The following TLR6 variants were observed in gnomAD, a reference collection of about 807,000 sequenced individuals.
TLR6 encodes toll like receptor 6, also known as toll-like receptor 6.
Under a neutral mutation model 16.1 loss-of-function variants are expected in TLR6, and 9 were observed. That is an observed-to-expected ratio of 0.56 (90% CI 0.34 to 0.98). The LOEUF is 0.98. Among genes scored for constraint, TLR6 ranks in the 50% least tolerant of loss-of-function variants. The pLI, the probability that TLR6 is intolerant of heterozygous loss-of-function variation, is 0.02. For missense variants in TLR6, 786 were observed against 921.0 expected (o/e 0.85, Z 1.90); for synonymous variants, 340 against 338.6 (o/e 1.00, Z -0.04).
intron 1 of TLR6, among the ~76,000 whole-genome samples, chr4:38,832,342 G>C (rs1711651891): frequency 2.0e-5 from 3 of 152,126 alleles, no homozygotes; most frequent in Non-Finnish European, 2.9e-5. Context: ...TGGGAGAAGA[G>C]GGAAGTGAAG....
At chr4:38,858,073 G>A (rs942876701), upstream of TLR6, among the ~76,000 whole-genome samples, 1 of 152,214 alleles carries the variant, frequency 6.6e-6, no homozygotes, top group African/African-American at 2.4e-5. Context: ...GAAACAAGGA[G>A]ACTATTCTTG....
chr4:38,835,765 C>G (rs1345200207), intron 1 of TLR6, among the ~76,000 whole-genome samples: 1 of 152,120 alleles, frequency 6.6e-6, no homozygotes, highest in Non-Finnish European at 1.5e-5. Context: ...GAAATCATAT[C>G]AAGTATTTTC....
the TLR6 span, chr4:38,868,013 T>C: frequency 2.4e-6 from 1 of 418,634 alleles, no homozygotes; most frequent in South Asian, 1.7e-5. Flanking sequence ...GGGGTGAGGG[T>C]CTGGGGCGGC....
At chr4:38,856,496 T>A (rs1399073777) in intron 1 of TLR6, among the ~76,000 whole-genome samples, 2 of 152,184 alleles carry the variant, frequency 1.3e-5, no homozygotes, top group Admixed American at 1.3e-4. Flanking sequence ...AAGAAATAAA[T>A]AACATTAGTT....
At chr4:38,837,320 A>G (rs986273790) in intron 1 of TLR6, among the ~76,000 whole-genome samples, 1 of 152,224 alleles carries the variant, frequency 6.6e-6, no homozygotes, top group Non-Finnish European at 1.5e-5. Context: ...GGATCACACT[A>G]CTTGACTTCA....
chr4:38,852,902 A>G (rs1712825138), intron 1 of TLR6, among the ~76,000 whole-genome samples: 1 of 152,200 alleles, frequency 6.6e-6, no homozygotes, highest in South Asian at 2.1e-4. Context: ...AAGGATTATA[A>G]ATCATGCTGC....
intron 1 of TLR6, among the ~76,000 whole-genome samples, chr4:38,845,225 C>T (rs1166161332): frequency 6.6e-6 from 1 of 152,106 alleles, no homozygotes; most frequent in Admixed American, 6.6e-5. Flanking sequence ...AGATCCATAA[C>T]ACACTAAAAG....
chr4:38,846,550 A>G (rs1159698735), intron 1 of TLR6, among the ~76,000 whole-genome samples: 1 of 152,236 alleles, frequency 6.6e-6, no homozygotes, highest in Admixed American at 6.5e-5. Flanking sequence ...ATGCTAAAAG[A>G]CATGGAAGAC....
intron 1 of TLR6, among the ~76,000 whole-genome samples, chr4:38,838,535 A>C (rs1008869505): frequency 4.6e-5 from 7 of 152,210 alleles, no homozygotes; most frequent in Admixed American, 2.6e-4. Flanking sequence ...TGTGGGAGCT[A>C]AAATACGCAT....
chr4:38,833,364 C>T (rs1711726188), intron 1 of TLR6, among the ~76,000 whole-genome samples: 1 of 152,232 alleles, frequency 6.6e-6, no homozygotes, highest in African/African-American at 2.4e-5. Flanking sequence ...TGTCCCCATC[C>T]CCAGCAAAGC....
chr4:38,832,703 C>G (rs963398538), intron 1 of TLR6, among the ~76,000 whole-genome samples: 1 of 152,154 alleles, frequency 6.6e-6, no homozygotes, highest in Non-Finnish European at 1.5e-5. Flanking sequence ...CTCCTACGTC[C>G]ACCTAGAGGG....
chr4:38,841,849 A>G (rs1454164774), intron 1 of TLR6, among the ~76,000 whole-genome samples: 1 of 152,114 alleles, frequency 6.6e-6, no homozygotes, highest in East Asian at 1.9e-4. Flanking sequence ...AGCATATCTG[A>G]GTGTTCATGC....
intron 1 of TLR6, among the ~76,000 whole-genome samples, chr4:38,843,131 G>A (rs886957805): frequency 6.6e-6 from 1 of 152,138 alleles, no homozygotes; most frequent in African/African-American, 2.4e-5. Context: ...AGACATTGAC[G>A]TTCATGACAA....
intron 1 of TLR6, among the ~76,000 whole-genome samples, chr4:38,845,254 G>A (rs1021436058): frequency 3.3e-5 from 5 of 152,186 alleles, no homozygotes; most frequent in African/African-American, 9.7e-5. Context: ...ACCTTTAGGG[G>A]ACTGAAACCG....
exon 2 of TLR6, chr4:38,828,874 G>A: frequency 1.2e-6 from 2 of 1,613,496 alleles, no homozygotes; most frequent in Admixed American, 3.3e-5. Flanking sequence ...GAAAAACAAG[G>A]TGAAGGGTTT....
At chr4:38,828,817 A>C in exon 2 of TLR6, 1 of 1,614,104 alleles carries the variant, frequency 6.2e-7, no homozygotes, top group Non-Finnish European at 8.5e-7. Context: ...AGCACCCTAA[A>C]GTATTAACTG....
chr4:38,855,031 C>T (rs577277675), intron 1 of TLR6, among the ~76,000 whole-genome samples: 13 of 152,020 alleles, frequency 8.6e-5, no homozygotes, highest in Middle Eastern at 6.8e-3. Context: ...AACGGTGAAA[C>T]CCCGTCTCTA....
intron 1 of TLR6, among the ~76,000 whole-genome samples, chr4:38,848,469 A>G (rs1216441930): frequency 1.3e-5 from 2 of 152,234 alleles, no homozygotes; most frequent in African/African-American, 4.8e-5. Flanking sequence ...GCTTCAGACG[A>G]TCAAACTTCT....
chr4:38,827,040 C>T (rs1362016419), exon 2 of TLR6: 23 of 1,412,272 alleles, frequency 1.6e-5, no homozygotes, highest in Non-Finnish European at 2.2e-5. Flanking sequence ...TCACCATCAT[C>T]CAAGTAAATA....
Sources: allele counts gnomAD v4.1 joint callset (sites outside exome capture counted in the v4.1 genomes callset), GRCh38; gene constraint gnomAD v4.1.1; transcripts MANE v1.5; gene names NCBI Gene and HGNC (gene_info 2026-07-23, HGNC 2026-07-21).